Variants in MYO9B observed in about 807,000 individuals in gnomAD.
MYO9B encodes myosin IXB.
MYO9B carries 71 observed loss-of-function variants against 229.5 expected under a neutral mutation model. The ratio of observed to expected loss-of-function variants is 0.31; its 90% CI spans 0.26 to 0.38. The LOEUF (loss-of-function observed/expected upper bound fraction) is 0.38, where lower values mean the gene tolerates loss of function less well. Ranked by LOEUF, MYO9B falls within the 10% of genes least tolerant of loss-of-function variation. The pLI is 1.00. For missense variants in MYO9B, 2,255 were observed against 2,920.5 expected (o/e 0.77, Z 5.25); for synonymous variants, 1,185 against 1,235.8 (o/e 0.96, Z 0.86).
intron 2 of MYO9B, among the ~76,000 whole-genome samples, chr19:17,141,492 C>T (rs2072338989): frequency 6.6e-6 from 1 of 152,204 alleles, no homozygotes; most frequent in Non-Finnish European, 1.5e-5. Flanking sequence ...AACACCAGGC[C>T]CCAGGACCAG....
intron 1 of MYO9B, among the ~76,000 whole-genome samples, chr19:17,091,425 G>T (rs2057637072): frequency 1.3e-5 from 2 of 152,192 alleles, no homozygotes; most frequent in African/African-American, 4.8e-5. Flanking sequence ...GGCGTCTTGT[G>T]GCCAGGCACA....
chr19:17,125,948 C>CAGCT lies in MYO9B; in HGVS notation c.841-19448_841-19445dup, dbSNP rs549157580. On this transcript the variant is annotated intron_variant, in intron 2 of 39. Transcript: ENST00000682292. Reference sequence around the variant, plus strand: ...CACATCCGCAGGCCAACTGAGCCTGCAGCTGCCTCCTGTGCAGGCTTGGGC... The same window carrying CAGCT: ...CACATCCGCAGGCCAACTGAGCCTGCAGCTAGCTGCCTCCTGTGCAGGCTTGGGC... 1.3e-4 allele frequency among the ~76,000 whole-genome samples: 20 copies of CAGCT among 152,328 alleles called. No individual in the cohort carries two copies. The South Asian group carries it at 3.9e-3, about 30-fold the overall frequency.
rs1301421228 is a variant in MYO9B, at chr19:17,205,965, G to A, written c.5070G>A (p.Glu1690=). Residue 1690 remains glutamate, a synonymous_variant, in exon 32 of 40, where the codon GAG becomes GAA. Transcript: ENST00000682292. ...HCSYTYGRKG[E]PGVEPGHFGV... is the part of the protein sequence containing the mutation. ...CCCCAACCCCGGCACTGCAGGGCGA[G>A]CCAGGCGTTGAGCCTGGCCACTTCG... is the stretch of plus-strand genomic sequence containing the variant. 1 of 1,557,616 alleles carries A rather than the reference G, an allele frequency of 6.4e-7. No homozygotes were observed. The highest frequency in any genetic ancestry group is 8.7e-7 in the Non-Finnish European group (1 of 1,149,296).
intron 2 of MYO9B, among the ~76,000 whole-genome samples, chr19:17,127,594 G>T (rs1265373272): frequency 6.6e-6 from 1 of 152,172 alleles, no homozygotes; most frequent in Admixed American, 6.5e-5. Flanking sequence ...CTCCCAAAAT[G>T]CTGGGATTAT....
intron 1 of MYO9B, among the ~76,000 whole-genome samples, chr19:17,100,462 G>A (rs1288277222): frequency 6.6e-6 from 1 of 152,212 alleles, no homozygotes; most frequent in African/African-American, 2.4e-5. Context: ...GACAGCACGA[G>A]ACTCTTATCT....
chr19:17,211,267 C>G (rs2073225717), intron 38 of MYO9B, among the ~76,000 whole-genome samples: 1 of 152,024 alleles, frequency 6.6e-6, no homozygotes, highest in African/African-American at 2.4e-5. Context: ...AGGCGTGAGC[C>G]ACCGCACTCG....
chr19:17,175,703 G>A lies in MYO9B; in HGVS notation c.2181G>A (p.Leu727=). The part of the protein sequence containing the change: ...SPGAQSHPEE[L]PRGASTPSEK... Reference sequence around the variant, plus strand: ...GTGCCCAAAGTCACCCAGAAGAGCTGCCAAGAGGAGCCAGCACCCCTTCGG... The same window carrying A: ...GTGCCCAAAGTCACCCAGAAGAGCTACCAAGAGGAGCCAGCACCCCTTCGG... The change falls in exon 14 of 40, where the codon CTG becomes CTA. Residue 727 remains leucine (L), a synonymous_variant. Coordinates refer to ENST00000682292, the MANE Select transcript of MYO9B (RefSeq NM_004145.4). 1 of 1,574,530 alleles carries A rather than the reference G, an allele frequency of 6.4e-7. No homozygotes were observed.
intron 19 of MYO9B, among the ~76,000 whole-genome samples, chr19:17,189,267 C>T (rs944957020): frequency 2.0e-5 from 3 of 152,004 alleles, no homozygotes; most frequent in Admixed American, 1.3e-4. Context: ...TTTGAGGCTA[C>T]AGTGAGTTAT....
Position 17,206,773 on chromosome 19 carries a change from C to T in MYO9B, c.5481C>T (p.Phe1827=), listed in dbSNP as rs1033319154. The part of the protein sequence containing the change: ...ANHNSLERLI[F]HLVKVALLED... The stretch of plus-strand genomic sequence containing the variant: ...ACAACTCCCTGGAGAGACTCATCTT[C>T]CACCTTGTCAAGCAAGTGCCTCCCC... The change falls in exon 34 of 40, where the codon TTC becomes TTT. Residue 1827 remains phenylalanine, a synonymous_variant. Transcript: ENST00000682292. The T allele has an allele frequency of 5.0e-6, 8 of 1,585,652 alleles. No individual in the cohort carries two copies. The Admixed American group carries it at 5.4e-5, about 11-fold the overall frequency.
Position 17,198,216 on chromosome 19 carries a change from T to C in MYO9B, c.4146T>C (p.Ser1382=), listed in dbSNP as rs769154908. ...PAAETTDGER[S]AKKPAVQKKK... ...CAGAAACCACGGACGGAGAGCGAAG[T>C]GCGAAAAAGCCAGCTGTCCAGAAGA... Residue 1382 remains serine, a synonymous_variant, in exon 24 of 40, where the codon AGT becomes AGC. Coordinates refer to ENST00000682292, the MANE Select transcript of MYO9B (RefSeq NM_004145.4). 1.7e-5 allele frequency: 28 copies of C among 1,613,700 alleles called. No individual in the cohort carries two copies. The highest frequency in any genetic ancestry group is 2.2e-5 in the Non-Finnish European group (26 of 1,179,870).
intron 2 of MYO9B, among the ~76,000 whole-genome samples, chr19:17,132,625 T>A (rs1243534739): frequency 6.8e-6 from 1 of 146,768 alleles, no homozygotes; most frequent in Non-Finnish European, 1.5e-5. Context: ...ACCTCCCAGG[T>A]TCGTGCCATT....
intron 14 of MYO9B, among the ~76,000 whole-genome samples, chr19:17,177,142 G>C (rs374136149): frequency 1.3e-5 from 2 of 151,978 alleles, no homozygotes; most frequent in East Asian, 3.9e-4. Context: ...TGGAAGTTGC[G>C]GTGAGCCAAG....
intron 1 of MYO9B, among the ~76,000 whole-genome samples, chr19:17,076,377 C>T (rs1232823215): frequency 5.3e-5 from 8 of 151,470 alleles, no homozygotes; most frequent in Non-Finnish European, 7.4e-5. Flanking sequence ...TCAGTAAATG[C>T]GGGGGGTTCT....
chr19:17,135,702 G>A (rs959458141), intron 2 of MYO9B, among the ~76,000 whole-genome samples: 4 of 152,144 alleles, frequency 2.6e-5, no homozygotes, highest in Admixed American at 6.6e-5. Flanking sequence ...ATTGGTGCAC[G>A]GGGTAATCGG....
intron 1 of MYO9B, among the ~76,000 whole-genome samples, chr19:17,077,907 T>C (rs2057501110): frequency 6.6e-6 from 1 of 152,222 alleles, no homozygotes; most frequent in Non-Finnish European, 1.5e-5. Flanking sequence ...ATTGCACCTA[T>C]TCCCAAAGCT....
At chr19:17,128,430 G>T (rs1468820854) in intron 2 of MYO9B, among the ~76,000 whole-genome samples, 1 of 152,124 alleles carries the variant, frequency 6.6e-6, no homozygotes, top group Non-Finnish European at 1.5e-5. Flanking sequence ...GGACCTGGGG[G>T]TTTATTTCCC....
At chr19:17,154,249 A>G in intron 5 of MYO9B, 66 bp from the exon 6 acceptor site, 4 of 1,505,310 alleles carry the variant, frequency 2.7e-6, no homozygotes, top group Non-Finnish European at 3.7e-6. Context: ...TCCAGCCAAA[A>G]TCACTCTGGC....
chr19:17,187,910 C>G, intron 18 of MYO9B, 25 bp from the exon 19 acceptor site: 1 of 1,554,438 alleles, frequency 6.4e-7, no homozygotes, highest in East Asian at 2.4e-5. Flanking sequence ...GGCCACCTGC[C>G]TGATGTCTCG....
intron 28 of MYO9B, 67 bp downstream of exon 28, chr19:17,202,370 G>GCCACGC: frequency 9.2e-7 from 1 of 1,089,638 alleles, no homozygotes; most frequent in Non-Finnish European, 1.2e-6. Context: ...GCCATCCTTA[G>GCCACGC]CCACGCCCAC....
Sources: gnomAD v4.1 joint callset for allele counts (sites outside exome capture counted in the v4.1 genomes callset) on GRCh38, gnomAD v4.1.1 for gene constraint, MANE v1.5 for transcripts, NCBI Gene and HGNC (gene_info 2026-07-23, HGNC 2026-07-21) for gene names.